The following MYH10 variants were observed in gnomAD, a reference collection of about 807,000 sequenced individuals.
MYH10 encodes myosin-10.
MYH10 carries 55 observed loss-of-function variants against 257.8 expected under a neutral mutation model. The ratio of observed to expected loss-of-function variants is 0.21; its 90% confidence interval spans 0.17 to 0.27. The LOEUF (loss-of-function observed/expected upper bound fraction) is 0.27, where lower values mean the gene tolerates loss of function less well. Among genes scored for constraint, MYH10 ranks in the 10% least tolerant of loss-of-function variants. The pLI is 1.00. For missense variants in MYH10, 1,631 were observed against 2,500.6 expected, an observed-to-expected ratio of 0.65 and a Z score of 7.42; for synonymous variants, 854 against 921.7, an observed-to-expected ratio of 0.93 and a Z score of 1.33.
rs1912405202 is a variant in MYH10, at chr17:8,475,524, AT to A, written c.*279del. 2.9e-6 allele frequency: 1 copy of A among 339,960 alleles called. No homozygotes were observed. Among genetic ancestry groups the A allele is most frequent in the Non-Finnish European group, 5.4e-6 (1 of 186,732 alleles). The allele number at this position is 339,960 out of a possible 1,614,324, so 21.1% of individuals were successfully genotyped here. ...AGTTTGTTTTAAAAAGGGTCTTACCATGTTTTATAAAATGGTCTCTTGATGA... is the reference window on the plus strand; with the variant it reads ...AGTTTGTTTTAAAAAGGGTCTTACCAGTTTTATAAAATGGTCTCTTGATGA... On this transcript the variant is annotated 3_prime_UTR_variant, in exon 43 of 43. Coordinates refer to ENST00000360416, the MANE Select transcript of MYH10 (RefSeq NM_001256012.3).
chr17:8,612,918 C>T (rs1232822023), intron 2 of MYH10, among the ~76,000 whole-genome samples: 1 of 151,914 alleles, frequency 6.6e-6, no homozygotes, highest in Non-Finnish European at 1.5e-5. Context: ...ATATATGGTT[C>T]AGTACCATTT....
chr17:8,612,085 C>T (rs146782136), intron 2 of MYH10, among the ~76,000 whole-genome samples: 21 of 152,292 alleles, frequency 1.4e-4, no homozygotes, highest in African/African-American at 3.6e-4. Flanking sequence ...GGCACAATTC[C>T]GCTCCATCGT....
intron 1 of MYH10, among the ~76,000 whole-genome samples, chr17:8,625,660 TA>T (rs2085647980): frequency 6.6e-6 from 1 of 152,084 alleles, no homozygotes; most frequent in African/African-American, 2.4e-5. Context: ...TTTGTATTTT[TA>T]ATAGAGATGG....
At chr17:8,500,304 A>T (rs1261854021) in intron 29 of MYH10, among the ~76,000 whole-genome samples, 5 of 152,194 alleles carry the variant, frequency 3.3e-5, no homozygotes, top group Non-Finnish European at 5.9e-5. Context: ...CACAGGGCAC[A>T]TGAAATTAAG....
At chr17:8,525,520 C>T (rs146287225) in intron 17 of MYH10, among the ~76,000 whole-genome samples, 5 of 152,290 alleles carry the variant, frequency 3.3e-5, no homozygotes, top group African/African-American at 1.2e-4. Flanking sequence ...TGAACTTGCA[C>T]GAAGTTTACC....
intron 3 of MYH10, among the ~76,000 whole-genome samples, chr17:8,602,327 CTAAAATG>C (rs1340608266): frequency 6.6e-6 from 1 of 152,148 alleles, no homozygotes; most frequent in Non-Finnish European, 1.5e-5. Context: ...GGAATTGAAT[CTAAAATG>C]ATAGATCAGT....
chr17:8,519,012 CTG>C (rs761960152), intron 19 of MYH10, 62 bp from the exon 20 acceptor site: 4 of 1,321,548 alleles, frequency 3.0e-6, no homozygotes, highest in African/African-American at 1.5e-5. Flanking sequence ...TATCTACTAA[CTG>C]TGTGTTTTGC....
chr17:8,514,342 G>A (rs2081395228), intron 21 of MYH10, among the ~76,000 whole-genome samples: 1 of 152,056 alleles, frequency 6.6e-6, no homozygotes. Flanking sequence ...AACCCCCAAG[G>A]TAATTTTTCT....
chr17:8,533,544 T>C (rs1196265215), intron 16 of MYH10, among the ~76,000 whole-genome samples: 2 of 152,248 alleles, frequency 1.3e-5, no homozygotes, highest in African/African-American at 2.4e-5. Context: ...AACCGGGCCA[T>C]AAATGCTCAT....
chr17:8,597,254 GAT>G (rs2084408793), intron 3 of MYH10, among the ~76,000 whole-genome samples: 1 of 151,930 alleles, frequency 6.6e-6, no homozygotes, highest in Non-Finnish European at 1.5e-5. Flanking sequence ...GGAGGGTTTA[GAT>G]GAGTATAAAA....
intron 4 of MYH10, 48 bp downstream of exon 4, chr17:8,589,033 C>G: frequency 2.5e-6 from 4 of 1,599,408 alleles, no homozygotes; most frequent in Non-Finnish European, 3.4e-6. Context: ...AGTTGCTCCA[C>G]TTTCCAAGAA....
chr17:8,528,191 T>A (rs1251950635), intron 17 of MYH10, among the ~76,000 whole-genome samples: 3 of 152,174 alleles, frequency 2.0e-5, no homozygotes, highest in African/African-American at 7.2e-5. Flanking sequence ...CAGGTGCAGG[T>A]ATAAACTAGC....
intron 7 of MYH10, among the ~76,000 whole-genome samples, chr17:8,558,065 A>C (rs2082866476): frequency 1.3e-5 from 2 of 152,328 alleles, no homozygotes; most frequent in East Asian, 3.9e-4. Flanking sequence ...AGACCTTGTT[A>C]ATTAAGAGTC....
At position 8,546,459 on chromosome 17, in the gene MYH10, A is replaced by G; in HGVS notation, c.1278+85T>C. On this transcript the variant is annotated intron_variant, in intron 12 of 42. Coordinates refer to ENST00000360416, the MANE Select transcript of MYH10 (RefSeq NM_001256012.3). ...CATGTAAGACAGTTTATATTGATTCAGTTTGTTACATGTCAATCAGAAGGC... is the reference window on the plus strand; with the variant it reads ...CATGTAAGACAGTTTATATTGATTCGGTTTGTTACATGTCAATCAGAAGGC... 3 of 1,023,158 alleles carry G rather than the reference A, an allele frequency of 2.9e-6. No homozygotes were observed. In the South Asian group the frequency reaches 4.3e-5, roughly 15 times the overall value. 63.4% of individuals were successfully genotyped at this position (1,023,158 alleles called of 1,614,324 possible). A position where few individuals can be genotyped will look rare whatever the true frequency, so the allele number is the denominator to read the frequency against.
intron 21 of MYH10, among the ~76,000 whole-genome samples, chr17:8,516,963 C>A (rs2081486584): frequency 6.6e-6 from 1 of 151,986 alleles, no homozygotes; most frequent in Non-Finnish European, 1.5e-5. Flanking sequence ...ACGGCGAAAC[C>A]CCATCTCTAC....
intron 2 of MYH10, among the ~76,000 whole-genome samples, chr17:8,619,976 A>C (rs1468274032): frequency 6.6e-6 from 1 of 152,216 alleles, no homozygotes; most frequent in Non-Finnish European, 1.5e-5. Flanking sequence ...TTAGGGATGC[A>C]TACTTCATTG....
intron 4 of MYH10, among the ~76,000 whole-genome samples, chr17:8,578,243 CTTT>C (rs5819199): frequency 3.1e-5 from 4 of 129,212 alleles, no homozygotes; most frequent in Non-Finnish European, 3.2e-5. Context: ...TTCTTTCTTT[CTTT>C]TTTTTTTTTT....
intron 3 of MYH10, among the ~76,000 whole-genome samples, chr17:8,602,014 C>T (rs985252635): frequency 8.5e-5 from 11 of 129,458 alleles, no homozygotes; most frequent in East Asian, 4.6e-4. Flanking sequence ...CTCGTTCTTT[C>T]GCCCAGGCCG....
chr17:8,602,750 G>C (rs1000480634), intron 3 of MYH10, among the ~76,000 whole-genome samples: 3 of 152,118 alleles, frequency 2.0e-5, no homozygotes, highest in Admixed American at 2.0e-4. Context: ...TTGAATCCTA[G>C]CTTGTATTTT....
Sources: gnomAD v4.1 joint callset for allele counts (sites outside exome capture counted in the v4.1 genomes callset) on GRCh38, gnomAD v4.1.1 for gene constraint, MANE v1.5 for transcripts, NCBI Gene and HGNC (gene_info 2026-07-23, HGNC 2026-07-21) for gene names.